AKAP12: variants seen among roughly 807,000 people sequenced by gnomAD.
AKAP12 encodes the protein A-kinase anchoring protein 12, also known as A-kinase anchor protein 12.
AKAP12 carries 32 observed loss-of-function variants against 79.9 expected under a neutral mutation model. The observed-to-expected ratio is 0.40, with a 90% CI of 0.30 to 0.54. AKAP12 has a LOEUF of 0.54. AKAP12 is among the 20% of genes least tolerant of loss of function. AKAP12 has a pLI of 0.48. For synonymous variants in AKAP12, 808 were observed against 857.0 expected, an observed-to-expected ratio of 0.94 and a Z score of 1.00; for missense variants, 2,074 against 2,177.0, an observed-to-expected ratio of 0.95 and a Z score of 0.94.
At chr6:151,280,610 C>G (rs543821923) in intron 2 of AKAP12, 1 of 150,574 alleles carries the variant, frequency 6.6e-6, no homozygotes, top group East Asian at 1.9e-4. Context: ...ACCAAACGAG[C>G]GCTCTTTTCT....
chr6:151,325,733 G>C, intron 3 of AKAP12: 1 of 1,548,542 alleles, frequency 6.5e-7, no homozygotes, highest in Admixed American at 2.0e-5. Flanking sequence ...CTCCGGGAGT[G>C]TCTGGGCGCT....
At chr6:151,259,302 T>C (rs1797362611) in intron 2 of AKAP12, among the ~76,000 whole-genome samples, 1 of 151,600 alleles carries the variant, frequency 6.6e-6, no homozygotes, top group African/African-American at 2.4e-5. Flanking sequence ...CACCTTGGCC[T>C]TCCAAAGTGC....
intron 3 of AKAP12, among the ~76,000 whole-genome samples, chr6:151,331,644 G>A (rs1777668174): frequency 6.6e-6 from 1 of 152,096 alleles, no homozygotes; most frequent in Non-Finnish European, 1.5e-5. Flanking sequence ...CCAGCACTTT[G>A]GGAGGCCGAG....
rs764040621 is a variant in AKAP12 at position 151,350,121 on chromosome 6, C to T, written c.1730C>T (p.Thr577Met). 9.9e-6 allele frequency: 16 copies of T among 1,613,640 alleles called. No individual in the cohort carries two copies. The East Asian group carries it at 1.3e-4, about 13-fold the overall frequency. ...ASSPEEPEEI[T>M]CLEKGLAEVQ... ...TCCCCTGAGGAGCCCGAGGAGATCA[C>T]GTGTCTGGAAAAGGGCTTAGCCGAG... The change falls in exon 4 of 5, where the codon ACG becomes ATG. Residue 577 changes from threonine to methionine, a missense_variant. Thr to Met is a moderately conservative substitution (Grantham distance 81). Around this residue, in one of 3 missense-constraint regions of AKAP12, gnomAD observed 1,428 missense variants for 1,451.0 expected, o/e 0.98. Transcript: ENST00000402676. The surrounding 1 kb of genome is among the most constrained non-coding windows in gnomAD (Gnocchi z 4.8).
intron 3 of AKAP12, among the ~76,000 whole-genome samples, chr6:151,306,375 G>A (rs903397196): frequency 3.9e-5 from 6 of 152,152 alleles, no homozygotes; most frequent in African/African-American, 4.8e-5. Flanking sequence ...AAGAGTGACC[G>A]TTTGGACACA....
rs1035793345 is a variant in AKAP12 at position 151,323,977 on chromosome 6, C to T, written c.319+18074C>T. The T allele has an allele frequency of 9.1e-6, 9 of 985,216 alleles. No individual in the cohort carries two copies. In the African/African-American group the frequency reaches 1.0e-4, roughly 11 times the overall value. The allele number at this position is 985,216 out of a possible 1,614,324, so 61.0% of individuals were successfully genotyped here. On this transcript the variant is annotated intron_variant, in intron 3 of 4. Transcript: ENST00000402676. ...TTAATGTAGACCCTGATGCAACATCCCAAGTCGTCTTTATCCATGATTTGC... is the reference window on the plus strand; with the variant it reads ...TTAATGTAGACCCTGATGCAACATCTCAAGTCGTCTTTATCCATGATTTGC...
intron 2 of AKAP12, among the ~76,000 whole-genome samples, chr6:151,297,559 C>T (rs543965648): frequency 7.9e-6 from 1 of 126,302 alleles, no homozygotes; most frequent in Admixed American, 8.9e-5. Flanking sequence ...GAGGACAGAG[C>T]ATGAGTTCGT....
Position 151,351,642 on chromosome 6 carries a change from C to G in AKAP12, c.3251C>G (p.Ser1084Trp), listed in dbSNP as rs757288317. ...AGACCAGAAGAGCAGGCTGAAGCGT[C>G]GGGTCTGAAGAAAGAGACGGATGTA... ...AERPEEQAEA[S>W]GLKKETDVVL... Residue 1084 changes from serine (S) to tryptophan (W), a missense_variant, in exon 4 of 5, where the codon TCG (serine) becomes TGG (tryptophan). Around this residue, in one of 3 missense-constraint regions of AKAP12, gnomAD observed 1,428 missense variants for 1,451.0 expected, o/e 0.98. Transcript: ENST00000402676. The surrounding 1 kb of genome is among the most constrained non-coding windows in gnomAD (Gnocchi z 4.4). The G allele has an allele frequency of 1.2e-6, 2 of 1,614,070 alleles. No homozygotes were observed. The highest frequency in any genetic ancestry group is 2.7e-5 in the African/African-American group (2 of 75,016).
At chr6:151,271,325 C>CT (rs113260783) in intron 2 of AKAP12, among the ~76,000 whole-genome samples, 22,249 of 140,862 alleles carry the variant, frequency 0.16, 1,831 homozygotes, top group Middle Eastern at 0.19. Context: ...AACGAAGAAA[C>CT]TTTTTTTTTT....
chr6:151,274,214 G>A (rs1776249111), intron 2 of AKAP12, among the ~76,000 whole-genome samples: 1 of 152,042 alleles, frequency 6.6e-6, no homozygotes, highest in Admixed American at 6.6e-5. Context: ...TGGGACTACA[G>A]GGGCAGGGGC....
chr6:151,283,008 A>C (rs1297009595), intron 2 of AKAP12, among the ~76,000 whole-genome samples: 3 of 152,180 alleles, frequency 2.0e-5, no homozygotes, highest in Non-Finnish European at 4.4e-5. Context: ...AGTATTCAGG[A>C]TTTCTTTCTT....
chr6:151,265,222 T>TC (rs1284151672), intron 2 of AKAP12, among the ~76,000 whole-genome samples: 1 of 152,106 alleles, frequency 6.6e-6, no homozygotes, highest in East Asian at 1.9e-4. Flanking sequence ...CTCTTTTTTT[T>TC]TTTTTTGCAA....
At chr6:151,254,836 C>T (rs1281230670) in intron 2 of AKAP12, among the ~76,000 whole-genome samples, 2 of 152,206 alleles carry the variant, frequency 1.3e-5, no homozygotes, top group African/African-American at 2.4e-5. Context: ...TTTCAAGTCA[C>T]TTCTGGAACT....
At chr6:151,285,878 A>AT (rs1424856624) in intron 2 of AKAP12, among the ~76,000 whole-genome samples, 2 of 112,128 alleles carry the variant, frequency 1.8e-5, no homozygotes, top group African/African-American at 6.7e-5. Flanking sequence ...TGGAGGTGAT[A>AT]ATTTTTTTTT....
In AKAP12 at chr6:151,351,385, G is replaced by A; in HGVS notation, c.2994G>A (p.Glu998=). ...EEGTEASAAE[E]TTEMVSAVSQ... is the part of the protein sequence containing the mutation. ...GAACCGAAGCATCTGCTGCTGAAGA[G>A]ACCACAGAAATGGTGTCAGCAGTCT... Residue 998 remains glutamate (E), a synonymous_variant, in exon 4 of 5, where the codon GAG becomes GAA. Coordinates refer to ENST00000402676, the MANE Select transcript of AKAP12 (RefSeq NM_005100.4). This position sits in a 1 kb window ranked among gnomAD's most constrained non-coding sequence, Gnocchi z 4.4. 1 of 1,614,224 alleles carries A rather than the reference G, an allele frequency of 6.2e-7. No homozygotes were observed. The highest frequency in any genetic ancestry group is 8.5e-7 in the Non-Finnish European group (1 of 1,180,040).
At chr6:151,301,984 C>G (rs1240652518) in intron 2 of AKAP12, among the ~76,000 whole-genome samples, 1 of 151,018 alleles carries the variant, frequency 6.6e-6, no homozygotes, top group Non-Finnish European at 1.5e-5. Context: ...ATCTAATGTA[C>G]TTTGCTATGT....
At chr6:151,299,679 C>T (rs926082944) in intron 2 of AKAP12, among the ~76,000 whole-genome samples, 1 of 152,096 alleles carries the variant, frequency 6.6e-6, no homozygotes, top group Non-Finnish European at 1.5e-5. Flanking sequence ...CTAAATCTAC[C>T]TCATAGCTTT....
At chr6:151,250,755 G>A (rs1300385387) in intron 2 of AKAP12, among the ~76,000 whole-genome samples, 1 of 151,372 alleles carries the variant, frequency 6.6e-6, no homozygotes, top group Non-Finnish European at 1.5e-5. Flanking sequence ...ACAGGCGCCC[G>A]CCACCACGCC....
rs377601028 is a variant in AKAP12, at chr6:151,349,864, A to T, written c.1473A>T (p.Lys491Asn). Reference protein sequence around the residue: ...DLSPDEKVLSKPPEGVVSEVE... With the variant: ...DLSPDEKVLSNPPEGVVSEVE... The stretch of plus-strand genomic sequence containing the variant: ...GTCCTGATGAGAAGGTGCTGTCCAA[A>T]CCCCCCGAAGGCGTTGTGAGTGAGG... The change falls in exon 4 of 5, where the codon AAA (lysine) becomes AAT (asparagine). Residue 491 changes from lysine (K) to asparagine (N), a missense_variant. This residue lies in a region of AKAP12 where 1,428 missense variants were observed against 1,451.0 expected (regional missense o/e 0.98). Coordinates refer to ENST00000402676, the MANE Select transcript of AKAP12 (RefSeq NM_005100.4). 1.2e-6 allele frequency: 2 copies of T among 1,613,976 alleles called. No homozygotes were observed. The highest frequency in any genetic ancestry group is 2.7e-5 in the African/African-American group (2 of 74,880).
Sources: gnomAD v4.1 joint callset for allele counts (sites outside exome capture counted in the v4.1 genomes callset) on GRCh38, gnomAD v4.1.1 for gene constraint, gnomAD v4.1.1 regional missense constraint, Gnocchi (gnomAD v3.1) non-coding constraint, MANE v1.5 for transcripts, NCBI Gene and HGNC (gene_info 2026-07-23, HGNC 2026-07-21) for gene names.